Variants in LARP1B observed in about 807,000 individuals in gnomAD.
LARP1B encodes la-related protein 1B.
A neutral mutation model predicts 114.2 loss-of-function variants in LARP1B; 76 were observed. The ratio of observed to expected loss-of-function variants is 0.67; its 90% CI spans 0.55 to 0.81. The LOEUF (loss-of-function observed/expected upper bound fraction) is 0.81, where lower values mean the gene tolerates loss of function less well. Ranked by LOEUF, LARP1B falls within the 30% of genes least tolerant of loss-of-function variation. LARP1B has a pLI of 0.00. For missense variants in LARP1B, 1,014 were observed against 1,075.8 expected, an observed-to-expected ratio of 0.94 and a Z score of 0.80; for synonymous variants, 345 against 348.0, an observed-to-expected ratio of 0.99 and a Z score of 0.10.
chr4:128,146,814 A>C (rs1167572889), intron 11 of LARP1B, among the ~76,000 whole-genome samples: 3 of 152,230 alleles, frequency 2.0e-5, no homozygotes, highest in Non-Finnish European at 4.4e-5. Flanking sequence ...GGATGAAAGA[A>C]TTTTGAGAGT....
chr4:128,213,212 C>A (rs1005031516), downstream of LARP1B, among the ~76,000 whole-genome samples: 1 of 151,974 alleles, frequency 6.6e-6, no homozygotes, highest in Non-Finnish European at 1.5e-5. Context: ...CTGCGCCTGG[C>A]CACTAAATCT....
At chr4:128,200,457 C>A (rs1041254784) in intron 16 of LARP1B, 64 bp from the exon 17 acceptor site, 7 of 1,016,800 alleles carry the variant, frequency 6.9e-6, no homozygotes, top group Non-Finnish European at 9.6e-6. Context: ...TTATATATAA[C>A]ATCTGCTGTC....
At chr4:128,222,007 G>A (rs1257637359) in intron 7 of LARP1B, among the ~76,000 whole-genome samples, 2 of 152,118 alleles carry the variant, frequency 1.3e-5, no homozygotes, top group Non-Finnish European at 2.9e-5. Context: ...ATTATCTCCA[G>A]GTATTGCAAG....
chr4:128,090,058 C>G (rs553523767), intron 5 of LARP1B, among the ~76,000 whole-genome samples: 10 of 150,314 alleles, frequency 6.7e-5, no homozygotes, highest in Admixed American at 3.3e-4. Flanking sequence ...CAAGTGTGAG[C>G]CACCACACCG....
intron 10 of LARP1B, among the ~76,000 whole-genome samples, chr4:128,121,218 A>G (rs746833854): frequency 6.6e-6 from 1 of 152,210 alleles, no homozygotes; most frequent in Non-Finnish European, 1.5e-5. Flanking sequence ...CTCAGAAACT[A>G]TGTTATTATC....
At chr4:128,100,251 C>A (rs1779818112) in intron 8 of LARP1B, among the ~76,000 whole-genome samples, 1 of 151,958 alleles carries the variant, frequency 6.6e-6, no homozygotes, top group Non-Finnish European at 1.5e-5. Flanking sequence ...GCATGAGCTA[C>A]CGCGCGCCTG....
intron 11 of LARP1B, among the ~76,000 whole-genome samples, chr4:128,150,914 T>C (rs547922860): frequency 2.0e-4 from 30 of 152,330 alleles, no homozygotes; most frequent in Non-Finnish European, 3.7e-4. Flanking sequence ...AGCTTCTTCT[T>C]TCTAGTCAGA....
At chr4:128,201,616 C>T (rs981108136) in intron 17 of LARP1B, among the ~76,000 whole-genome samples, 16 of 152,220 alleles carry the variant, frequency 1.1e-4, no homozygotes, top group Non-Finnish European at 1.5e-5. Flanking sequence ...ATGTTCTTAA[C>T]TTTGCTTCTA....
At chr4:128,136,309 T>C (rs558110625) in intron 11 of LARP1B, among the ~76,000 whole-genome samples, 42 of 131,912 alleles carry the variant, frequency 3.2e-4, no homozygotes, top group African/African-American at 1.2e-3. Flanking sequence ...CAAATAACAG[T>C]CTCAAGAAAA....
intron 5 of LARP1B, among the ~76,000 whole-genome samples, chr4:128,088,078 G>A (rs1462903913): frequency 1.3e-5 from 2 of 151,968 alleles, no homozygotes; most frequent in East Asian, 1.9e-4. Context: ...TGTAGTCCCA[G>A]CTACTTGGTA....
chr4:128,128,764 C>T (rs1790477349), intron 11 of LARP1B, among the ~76,000 whole-genome samples: 1 of 151,686 alleles, frequency 6.6e-6, no homozygotes, highest in Non-Finnish European at 1.5e-5. Flanking sequence ...GCTGTTTGTA[C>T]AAAAAAACAC....
intron 11 of LARP1B, chr4:128,155,845 G>T (rs1249113287): frequency 6.4e-7 from 1 of 1,569,440 alleles, no homozygotes; most frequent in Non-Finnish European, 8.8e-7. Context: ...AGAGATCGAG[G>T]AGCTGCAGAA....
At position 128,210,653 on chromosome 4, in the gene LARP1B, A is replaced by G; in HGVS notation, c.*600A>G. 1.0e-6 allele frequency: 1 copy of G among 955,794 alleles called. No homozygotes were observed. Among genetic ancestry groups the G allele is most frequent in the Non-Finnish European group, 1.2e-6 (1 of 802,904 alleles). 59.2% of individuals were successfully genotyped at this position (955,794 alleles called of 1,614,324 possible). Reference sequence around the variant, plus strand: ...TTTTAAAACAAAAGTAGGAATATATAGTAAGATTGTAGTTACAATGAGTAT... The same window carrying G: ...TTTTAAAACAAAAGTAGGAATATATGGTAAGATTGTAGTTACAATGAGTAT... On this transcript the variant is annotated 3_prime_UTR_variant, in exon 20 of 20. Coordinates refer to ENST00000326639, the MANE Select transcript of LARP1B (RefSeq NM_018078.4).
chr4:128,083,682 C>CA (rs1232417421), intron 5 of LARP1B, among the ~76,000 whole-genome samples: 1 of 145,164 alleles, frequency 6.9e-6, no homozygotes, highest in Non-Finnish European at 1.5e-5. Context: ...CTGAGCCCCC[C>CA]CACCTCCCTC....
chr4:128,109,945 T>C (rs1388001784), intron 9 of LARP1B, among the ~76,000 whole-genome samples: 1 of 151,930 alleles, frequency 6.6e-6, no homozygotes, highest in African/African-American at 2.4e-5. Flanking sequence ...ACTCTGTCGC[T>C]CAGGCTGGAG....
chr4:128,067,591 C>T (rs1033139598), intron 1 of LARP1B, among the ~76,000 whole-genome samples: 6 of 152,136 alleles, frequency 3.9e-5, no homozygotes, highest in Non-Finnish European at 7.3e-5. Flanking sequence ...ATGAGGCACT[C>T]TTCAGCCAAA....
rs577619452 is a variant in LARP1B at position 128,077,527 on chromosome 4, A to G, written c.43-261A>G. On this transcript the variant is annotated intron_variant, in intron 3 of 19. Coordinates refer to ENST00000326639, the MANE Select transcript of LARP1B (RefSeq NM_018078.4). ...CCGCCCCCGCCCCTGCAAAAAAAAAAAGTGGTATTGATTTGTTGTTACTGA... is the reference window on the plus strand; with the variant it reads ...CCGCCCCCGCCCCTGCAAAAAAAAAGAGTGGTATTGATTTGTTGTTACTGA... Among the ~76,000 whole-genome samples, 124 of 151,938 alleles carry G rather than the reference A, an allele frequency of 8.2e-4. No homozygotes were observed. In the Middle Eastern group the frequency reaches 0.01, roughly 13 times the overall value.
intron 15 of LARP1B, among the ~76,000 whole-genome samples, chr4:128,193,775 C>T (rs919581430): frequency 6.6e-6 from 1 of 151,906 alleles, no homozygotes; most frequent in Non-Finnish European, 1.5e-5. Flanking sequence ...AGCCACCACG[C>T]CCAGCTAATT....
downstream of LARP1B, among the ~76,000 whole-genome samples, chr4:128,213,023 A>G (rs970351459): frequency 6.7e-6 from 1 of 149,222 alleles, no homozygotes; most frequent in African/African-American, 2.5e-5. Context: ...GATCCAAGCA[A>G]TTCTCCCGCC....
Sources: allele counts gnomAD v4.1 joint callset (sites outside exome capture counted in the v4.1 genomes callset), GRCh38; gene constraint gnomAD v4.1.1; transcripts MANE v1.5; gene names NCBI Gene and HGNC (gene_info 2026-07-23, HGNC 2026-07-21).